CFAP54: variants seen among roughly 807,000 people sequenced by gnomAD.
CFAP54 encodes the protein cilia- and flagella-associated protein 54.
In CFAP54, 290 loss-of-function variants were observed where a neutral mutation model predicts 370.4. That is an observed-to-expected ratio of 0.78 (90% confidence interval 0.71 to 0.86). The LOEUF (loss-of-function observed/expected upper bound fraction) is 0.86. CFAP54 is among the 40% of genes least tolerant of loss of function. The pLI is 0.00. For missense variants in CFAP54, 3,399 were observed against 3,528.7 expected (o/e 0.96, Z 0.93); for synonymous variants, 1,206 against 1,236.5 (o/e 0.98, Z 0.52).
rs879517925 is a variant in CFAP54 at position 96,874,612 on chromosome 12, C to CTTTTTTTTTTTTTTTTTTTTTTTT, written c.*15-498_*15-497insTTTTTTTTTTTTTTTTTTTTTTTT. Among the ~76,000 whole-genome samples, 6 of 40,074 alleles carry CTTTTTTTTTTTTTTTTTTTTTTTT rather than the reference C, an allele frequency of 1.5e-4. 3 individuals carry two copies. The highest frequency in any genetic ancestry group is 1.9e-3 in the South Asian group (2 of 1,040). 26.3% of individuals were successfully genotyped at this position (40,074 alleles called of 152,430 possible). Reference sequence around the variant, plus strand: ...GTTCTGTTCTGTTTTGGGATCTCTGCTTTTTTTTATTTTTATTTTATTTTT... The same window carrying CTTTTTTTTTTTTTTTTTTTTTTTT: ...GTTCTGTTCTGTTTTGGGATCTCTGCTTTTTTTTTTTTTTTTTTTTTTTTTTTTTTTTATTTTTATTTTATTTTT... On this transcript the variant is annotated intron_variant, in intron 67 of 67. Transcript: ENST00000524981.
At chr12:96,854,121 C>T (rs1392835207) in intron 66 of CFAP54, among the ~76,000 whole-genome samples, 20 of 151,810 alleles carry the variant, frequency 1.3e-4, no homozygotes. Flanking sequence ...TTGTTTCCTA[C>T]CTTGATTATC....
Position 96,710,265 on chromosome 12 carries a change from A to G in CFAP54, c.6724+1462A>G, listed in dbSNP as rs76906280. 1.4e-3 allele frequency among the ~76,000 whole-genome samples: 209 copies of G among 152,298 alleles called. 3 individuals carry two copies. The East Asian group carries it at 0.035, about 26-fold the overall frequency. ...TCCAAGAGGAAGGGTGCGCCACACC[A>G]CTGTGGGAGAAGGGAACACAGGAGA... On this transcript the variant is annotated intron_variant, in intron 48 of 67. Transcript: ENST00000524981.
chr12:96,832,149 GCTCT>G (rs937472800), intron 66 of CFAP54, among the ~76,000 whole-genome samples: 3 of 151,932 alleles, frequency 2.0e-5, no homozygotes, highest in African/African-American at 7.3e-5. Flanking sequence ...CCCTGCATGA[GCTCT>G]CTCTCTTTGC....
chr12:96,624,656 G>A (rs1956532345), intron 28 of CFAP54, among the ~76,000 whole-genome samples: 1 of 152,188 alleles, frequency 6.6e-6, no homozygotes, highest in Non-Finnish European at 1.5e-5. Context: ...CCAAATTTGA[G>A]CCTTAAACCA....
chr12:96,531,185 ACT>A (rs1277115858), intron 9 of CFAP54, among the ~76,000 whole-genome samples: 2 of 152,048 alleles, frequency 1.3e-5, no homozygotes, highest in East Asian at 1.9e-4. Flanking sequence ...TGAAATACAA[ACT>A]CTAAGAATTT....
At position 96,521,547 on chromosome 12, in the gene CFAP54, T is replaced by TGTGC. The variant is rs1323195775; in HGVS notation, c.943-309_943-308insTGCG. On this transcript the variant is annotated intron_variant, in intron 6 of 67. Transcript: ENST00000524981. ...GTGTGTGTGTGTGTGTGTGTGTGTG[T>TGTGC]GCGCGTGCGCACATGAGGACGTGCG... 6.1e-3 allele frequency among the ~76,000 whole-genome samples: 240 copies of TGTGC among 39,532 alleles called. 3 individuals are homozygous for TGTGC. Among genetic ancestry groups the TGTGC allele is most frequent in the African/African-American group, 0.02 (214 of 10,680 alleles). The allele number at this position is 39,532 out of a possible 152,430, so 25.9% of individuals were successfully genotyped here. A position where few individuals can be genotyped will look rare whatever the true frequency, so the allele number is the denominator to read the frequency against.
chr12:96,862,737 G>C (rs1410032979), intron 67 of CFAP54, among the ~76,000 whole-genome samples: 2 of 152,200 alleles, frequency 1.3e-5, no homozygotes, highest in Non-Finnish European at 2.9e-5. Context: ...GATTCAAACA[G>C]AAAAGCTATT....
chr12:96,817,484 A>G (rs1447394642), intron 64 of CFAP54, among the ~76,000 whole-genome samples: 2 of 150,728 alleles, frequency 1.3e-5, no homozygotes, highest in African/African-American at 2.4e-5. Context: ...GCAGTGGCGC[A>G]ATCTCCGCTC....
intron 60 of CFAP54, among the ~76,000 whole-genome samples, chr12:96,766,773 G>A (rs1405357847): frequency 1.3e-5 from 2 of 152,138 alleles, no homozygotes; most frequent in African/African-American, 4.8e-5. Flanking sequence ...TGAATGATGT[G>A]TTTACTTTAC....
rs757196037 is a variant in CFAP54, at chr12:96,829,028, A to G, written c.9111A>G (p.Gln3037=). The change falls in exon 66 of 68, where the codon CAA becomes CAG. Residue 3037 remains glutamine (Q), a synonymous_variant. Coordinates refer to ENST00000524981, the MANE Select transcript of CFAP54 (RefSeq NM_001306084.2). ...CTTATTTCTAGGACATGATTATTCAATGTTGCTCTGAAATAGCATCTCTGT... is the reference window on the plus strand; with the variant it reads ...CTTATTTCTAGGACATGATTATTCAGTGTTGCTCTGAAATAGCATCTCTGT... The part of the protein sequence containing the change: ...VDNEMEDMII[Q]CCSEIASLFL... 32 of 1,512,816 alleles carry G rather than the reference A, an allele frequency of 2.1e-5. No individual in the cohort carries two copies. The highest frequency in any genetic ancestry group is 2.7e-5 in the Non-Finnish European group (31 of 1,127,590). The allele number at this position is 1,512,816 out of a possible 1,614,324, so 93.7% of individuals were successfully genotyped here. A position where few individuals can be genotyped will look rare whatever the true frequency, so the allele number is the denominator to read the frequency against.
intron 12 of CFAP54, among the ~76,000 whole-genome samples, chr12:96,538,092 C>CA (rs34150077): frequency 1.0e-4 from 15 of 148,030 alleles, no homozygotes; most frequent in East Asian, 6.0e-4. Context: ...GGCCCTGTTT[C>CA]AAAAAAAAAA....
chr12:96,806,214 A>ATATATATATATATG (rs1592774089), intron 63 of CFAP54, among the ~76,000 whole-genome samples: 1 of 96,308 alleles, frequency 1.0e-5, no homozygotes, highest in Non-Finnish European at 2.1e-5. Context: ...ATATATATAT[A>ATATATATATATATG]ATAACAACAT....
At chr12:96,871,893 A>G (rs891566473) in intron 67 of CFAP54, among the ~76,000 whole-genome samples, 3 of 152,190 alleles carry the variant, frequency 2.0e-5, no homozygotes, top group African/African-American at 7.2e-5. Flanking sequence ...TTTCAGAGCT[A>G]TGATGGCCTA....
intron 38 of CFAP54, among the ~76,000 whole-genome samples, chr12:96,659,259 G>C (rs11108623): frequency 0.15 from 22,286 of 152,058 alleles, 2,122 homozygotes; most frequent in East Asian, 0.44. Context: ...TCAGCCTTCC[G>C]AGTAGCTGGG....
chr12:96,773,618 A>G (rs1402231238), intron 60 of CFAP54, among the ~76,000 whole-genome samples: 1 of 152,268 alleles, frequency 6.6e-6, no homozygotes, highest in African/African-American at 2.4e-5. Context: ...AACTGTACAC[A>G]TAATAATGCT....
intron 50 of CFAP54, among the ~76,000 whole-genome samples, chr12:96,722,202 T>C (rs1447226078): frequency 6.6e-6 from 1 of 152,196 alleles, no homozygotes; most frequent in Non-Finnish European, 1.5e-5. Context: ...TCCCACCTGT[T>C]TGGGAACCTG....
chr12:96,839,744 C>T (rs746004570), intron 66 of CFAP54, among the ~76,000 whole-genome samples: 3 of 152,170 alleles, frequency 2.0e-5, no homozygotes, highest in South Asian at 4.1e-4. Context: ...GATTCAACTG[C>T]TGGGGGCTGG....
intron 66 of CFAP54, among the ~76,000 whole-genome samples, chr12:96,843,463 C>T: frequency 6.6e-6 from 1 of 152,146 alleles, no homozygotes; most frequent in East Asian, 1.9e-4. Context: ...TTCAGAAATA[C>T]AGTGAGGATA....
intron 61 of CFAP54, among the ~76,000 whole-genome samples, chr12:96,786,008 C>A (rs1189982632): frequency 3.3e-5 from 5 of 152,148 alleles, no homozygotes; most frequent in African/African-American, 7.2e-5. Context: ...TTTTCTCTGT[C>A]ACACTTTGTC....
Sources: gnomAD v4.1 joint callset for allele counts (sites outside exome capture counted in the v4.1 genomes callset) on GRCh38, gnomAD v4.1.1 for gene constraint, MANE v1.5 for transcripts, NCBI Gene and HGNC (gene_info 2026-07-23, HGNC 2026-07-21) for gene names.